The following MCC variants were observed in gnomAD, a reference collection of about 807,000 sequenced individuals.
The protein encoded by MCC is MCC regulator of Wnt signaling pathway.
A neutral mutation model predicts 116.2 loss-of-function variants in MCC; 90 were observed. The ratio of observed to expected loss-of-function variants is 0.77; its 90% CI spans 0.65 to 0.92. MCC has a LOEUF of 0.92. Among genes scored for constraint, MCC ranks in the 40% least tolerant of loss-of-function variants. The pLI, the probability that MCC is intolerant of heterozygous loss-of-function variation, is 0.00. For synonymous variants in MCC, 578 were observed against 510.5 expected (o/e 1.13, Z -1.78); for missense variants, 1,516 against 1,312.2 (o/e 1.16, Z -2.40).
chr5:113,028,892 C>T (rs1019690486), intron 18 of MCC, 42 bp downstream of exon 18: 17 of 1,602,110 alleles, frequency 1.1e-5, no homozygotes, highest in African/African-American at 1.3e-5. Context: ...CCAAGTACCA[C>T]AGGTGGAGGG....
At chr5:113,478,949 C>A (rs1187738026) in intron 1 of MCC, among the ~76,000 whole-genome samples, 1 of 152,160 alleles carries the variant, frequency 6.6e-6, no homozygotes, top group African/African-American at 2.4e-5. Context: ...GGTAAGCACT[C>A]CATACGTGTT....
At chr5:113,042,634 A>C (rs1001357592) in intron 17 of MCC, among the ~76,000 whole-genome samples, 1 of 152,026 alleles carries the variant, frequency 6.6e-6, no homozygotes, top group African/African-American at 2.4e-5. Context: ...GTGAGCTGGA[A>C]AATTTAGCCA....
chr5:113,238,042 T>C (rs1764197692), intron 3 of MCC, among the ~76,000 whole-genome samples: 1 of 152,196 alleles, frequency 6.6e-6, no homozygotes, highest in Non-Finnish European at 1.5e-5. Flanking sequence ...CTCAAAAATT[T>C]CTGGCTGCAA....
At chr5:113,435,407 C>A (rs1043624036) in intron 1 of MCC, 3 of 152,960 alleles carry the variant, frequency 2.0e-5, no homozygotes. Flanking sequence ...TCCCTGGAAC[C>A]CAGAAAGAGT....
intron 1 of MCC, among the ~76,000 whole-genome samples, chr5:113,399,184 T>A (rs35568473): frequency 0.092 from 13,934 of 152,140 alleles, 970 homozygotes; most frequent in Non-Finnish European, 0.12. Flanking sequence ...GGAAGGAGAT[T>A]ATTTAAAATG....
intron 1 of MCC, among the ~76,000 whole-genome samples, chr5:113,468,667 G>C (rs1771984982): frequency 1.3e-5 from 2 of 152,180 alleles, no homozygotes; most frequent in South Asian, 2.1e-4. Flanking sequence ...TCTCTGCCCG[G>C]CTTTGGTATC....
intron 4 of MCC, among the ~76,000 whole-genome samples, chr5:113,147,763 G>A (rs1759610020): frequency 6.6e-6 from 1 of 152,210 alleles, no homozygotes; most frequent in Non-Finnish European, 1.5e-5. Flanking sequence ...AAAGGAGCTA[G>A]AGGAGTTTAC....
intron 5 of MCC, among the ~76,000 whole-genome samples, chr5:113,132,453 C>T (rs1277579626): frequency 0.61 from 76,867 of 126,756 alleles, 24,537 homozygotes; most frequent in East Asian, 0.79. Context: ...TACACACACA[C>T]ACACACACAC....
chr5:113,090,510 G>A (rs1755537107), intron 8 of MCC, among the ~76,000 whole-genome samples: 1 of 152,220 alleles, frequency 6.6e-6, no homozygotes, highest in African/African-American at 2.4e-5. Flanking sequence ...CCACAACGGA[G>A]ATAAGAATGT....
At chr5:113,262,458 T>C (rs984065392) in intron 3 of MCC, among the ~76,000 whole-genome samples, 2 of 152,168 alleles carry the variant, frequency 1.3e-5, no homozygotes, top group African/African-American at 4.8e-5. Flanking sequence ...TTTATGCCTT[T>C]GTCTTCTCAC....
chr5:113,400,056 C>T (rs2150398282), intron 1 of MCC: 1 of 149,904 alleles, frequency 6.7e-6, no homozygotes, highest in East Asian at 2.0e-4. Context: ...AGTTCTTTTA[C>T]ATGTGACTGT....
intron 12 of MCC, among the ~76,000 whole-genome samples, chr5:113,070,751 GA>G (rs1753979570): frequency 6.6e-6 from 1 of 152,086 alleles, no homozygotes; most frequent in South Asian, 2.1e-4. Flanking sequence ...ACAACAAAAT[GA>G]AGAACTAGAA....
chr5:113,310,556 T>G (rs1280869670), intron 3 of MCC, among the ~76,000 whole-genome samples: 3 of 152,246 alleles, frequency 2.0e-5, no homozygotes, highest in African/African-American at 2.4e-5. Context: ...TGAAAACTAC[T>G]TATTTTTTTC....
chr5:113,062,793 C>T (rs1481231517), intron 14 of MCC, among the ~76,000 whole-genome samples: 1 of 152,200 alleles, frequency 6.6e-6, no homozygotes, highest in Non-Finnish European at 1.5e-5. Flanking sequence ...TGTTCCCTCT[C>T]CTGGGACACC....
rs116784084 is a variant in MCC at position 113,101,576 on chromosome 5, A to G, written c.1398+163T>C. 1.3e-3 allele frequency: 882 copies of G among 663,016 alleles called. 5 individuals carry two copies. The African/African-American group carries it at 0.015, about 11-fold the overall frequency. 41.1% of individuals were successfully genotyped at this position (663,016 alleles called of 1,614,324 possible). A position where few individuals can be genotyped will look rare whatever the true frequency, so the allele number is the denominator to read the frequency against. ...TAAATCTTACCTCTATACCTTAGCA[A>G]TTTCGAACTACTTTCAAGAAGGACT... On this transcript the variant is annotated intron_variant, in intron 8 of 18. Transcript: ENST00000408903.
chr5:113,453,875 C>A (rs951436060), intron 1 of MCC, among the ~76,000 whole-genome samples: 2 of 152,162 alleles, frequency 1.3e-5, no homozygotes, highest in Non-Finnish European at 2.9e-5. Context: ...CTTTGGGAGG[C>A]TGAGGCGTGT....
At chr5:113,122,414 C>T (rs1426478893) in intron 6 of MCC, among the ~76,000 whole-genome samples, 1 of 152,196 alleles carries the variant, frequency 6.6e-6, no homozygotes, top group African/African-American at 2.4e-5. Context: ...ATTTGGAATA[C>T]TGCAATAGCC....
At chr5:113,393,447 T>C (rs983528466) in intron 1 of MCC, among the ~76,000 whole-genome samples, 4 of 152,214 alleles carry the variant, frequency 2.6e-5, no homozygotes, top group Admixed American at 1.3e-4. Context: ...TCAAATTAGA[T>C]GAATGATCCA....
At chr5:113,065,690 G>A (rs2150230729) in intron 13 of MCC, among the ~76,000 whole-genome samples, 1 of 152,282 alleles carries the variant, frequency 6.6e-6, no homozygotes. Context: ...ATGAATGCCT[G>A]TGACATCAAC....
Sources: gnomAD v4.1 joint callset for allele counts (sites outside exome capture counted in the v4.1 genomes callset) on GRCh38, gnomAD v4.1.1 for gene constraint, MANE v1.5 for transcripts, NCBI Gene and HGNC (gene_info 2026-07-23, HGNC 2026-07-21) for gene names.